The following ADAMTSL2 variants were observed in gnomAD, a reference collection of about 807,000 sequenced individuals.
ADAMTSL2 encodes the protein ADAMTS-like protein 2.
In ADAMTSL2, 55 loss-of-function variants were observed where a neutral mutation model predicts 117.0. The ratio of observed to expected loss-of-function variants is 0.47; its 90% confidence interval spans 0.38 to 0.59. ADAMTSL2 has a LOEUF of 0.59. ADAMTSL2 is among the 20% of genes least tolerant of loss of function. The probability of loss-of-function intolerance (pLI) is 0.00; values close to 1 mark genes in which losing one functional copy is unlikely to be tolerated. For synonymous variants in ADAMTSL2, 572 were observed against 566.4 expected (o/e 1.01, Z -0.14); for missense variants, 1,182 against 1,354.5 (o/e 0.87, Z 2.00).
intron 9 of ADAMTSL2, among the ~76,000 whole-genome samples, chr9:133,553,090 G>A (rs1483512111): frequency 7.2e-5 from 11 of 152,294 alleles, no homozygotes; most frequent in Admixed American, 2.6e-4. Flanking sequence ...GGAGGCCCGC[G>A]TGGCCGTGAA....
intron 9 of ADAMTSL2, among the ~76,000 whole-genome samples, chr9:133,552,160 G>A (rs923212096): frequency 2.6e-5 from 4 of 152,200 alleles, no homozygotes; most frequent in African/African-American, 9.7e-5. Flanking sequence ...CAGCAGATGA[G>A]TTGAACAGAT....
chr9:133,533,307 T>C (rs1029902459), upstream of ADAMTSL2, among the ~76,000 whole-genome samples: 8 of 152,228 alleles, frequency 5.3e-5, 1 homozygote, highest in Admixed American at 5.2e-4. Flanking sequence ...CAGGTGGCCC[T>C]GTGACTAGGA....
intron 9 of ADAMTSL2, among the ~76,000 whole-genome samples, chr9:133,548,219 CCCAGG>C (rs1432367272): frequency 2.0e-5 from 3 of 152,216 alleles, no homozygotes; most frequent in Non-Finnish European, 2.9e-5. Flanking sequence ...GGGCTTTGAA[CCCAGG>C]CCTGCCTGGT....
chr9:133,535,032 G>T, intron 1 of ADAMTSL2, 115 bp downstream of exon 1: 1 of 1,293,676 alleles, frequency 7.7e-7, no homozygotes, highest in Non-Finnish European at 9.8e-7. Context: ...GTTACATAAC[G>T]TGGGGAGGCT....
At chr9:133,540,113 T>C (rs1438187570) in intron 5 of ADAMTSL2, among the ~76,000 whole-genome samples, 4 of 152,208 alleles carry the variant, frequency 2.6e-5, no homozygotes, top group Non-Finnish European at 5.9e-5. Flanking sequence ...AGACCTGACC[T>C]CTGACGGCAG....
intron 12 of ADAMTSL2, among the ~76,000 whole-genome samples, chr9:133,564,310 GAGAA>G (rs1359089689): frequency 1.6e-5 from 1 of 61,078 alleles, no homozygotes; most frequent in Non-Finnish European, 3.3e-5. Context: ...GGGAGAGAGA[GAGAA>G]AGAGAGAGGG....
intron 12 of ADAMTSL2, among the ~76,000 whole-genome samples, chr9:133,566,034 G>A (rs1355268732): frequency 1.3e-5 from 2 of 152,260 alleles, no homozygotes; most frequent in African/African-American, 2.4e-5. Context: ...AGCAGAAGGT[G>A]GAGATGTGGT....
chr9:133,550,114 G>A (rs369162451), intron 9 of ADAMTSL2, among the ~76,000 whole-genome samples: 1 of 152,262 alleles, frequency 6.6e-6, no homozygotes, highest in Non-Finnish European at 1.5e-5. Flanking sequence ...CTGTGTGGGG[G>A]TGCCCTGAAG....
At chr9:133,568,572 C>A (rs1377889854) in intron 14 of ADAMTSL2, 31 bp from the exon 15 acceptor site, 5 of 1,549,700 alleles carry the variant, frequency 3.2e-6, no homozygotes, top group Admixed American at 2.0e-5. Context: ...CTGTGTCACA[C>A]CCCCCCTGCC....
At position 133,555,838 on chromosome 9, in the gene ADAMTSL2, C is replaced by G. The variant is rs62637565; in HGVS notation, c.1557C>G (p.Ser519Arg). Residue 519 changes from serine (S) to arginine (R), a missense_variant, in exon 11 of 19, where the codon AGC becomes AGG. Coordinates refer to ENST00000651351, the MANE Select transcript of ADAMTSL2 (RefSeq NM_014694.4). Reference sequence around the variant, plus strand: ...ACGGGTCCTACCTGGAGCTGAGCAGCGACAGGGTTGCCAACAGCTCCTCCG... The same window carrying G: ...ACGGGTCCTACCTGGAGCTGAGCAGGGACAGGGTTGCCAACAGCTCCTCCG... The part of the protein sequence containing the change: ...LLNGSYLELS[S>R]DRVANSSSEA... The G allele has an allele frequency of 1.9e-6, 3 of 1,613,586 alleles. No homozygotes were observed. Among genetic ancestry groups the G allele is most frequent in the Non-Finnish European group, 2.5e-6 (3 of 1,179,978 alleles).
At chr9:133,555,531 C>G (rs768750828) in intron 10 of ADAMTSL2, 27 bp from the exon 11 acceptor site, 3 of 1,612,874 alleles carry the variant, frequency 1.9e-6, no homozygotes, top group South Asian at 1.1e-5. Context: ...GATGTGCCCA[C>G]GGTTGAGCCA....
intron 4 of ADAMTSL2, among the ~76,000 whole-genome samples, chr9:133,539,090 G>C (rs1243274372): frequency 2.0e-5 from 3 of 152,206 alleles, no homozygotes; most frequent in South Asian, 2.1e-4. Context: ...TGTGTCTCAG[G>C]GGGTGTGTGC....
At chr9:133,548,820 G>C (rs995695832) in intron 9 of ADAMTSL2, among the ~76,000 whole-genome samples, 3 of 152,180 alleles carry the variant, frequency 2.0e-5, no homozygotes, top group Non-Finnish European at 2.9e-5. Flanking sequence ...GGGGTCCGTG[G>C]TCCACCCCCA....
rs1291481471 is a variant in ADAMTSL2 at position 133,555,105 on chromosome 9, C to G, written c.1276+412C>G. Among the ~76,000 whole-genome samples the G allele has an allele frequency of 3.3e-5, 5 of 152,234 alleles. No homozygotes were observed. In the East Asian group the frequency reaches 9.7e-4, roughly 30 times the overall value. On this transcript the variant is annotated intron_variant, in intron 10 of 18. Coordinates refer to ENST00000651351, the MANE Select transcript of ADAMTSL2 (RefSeq NM_014694.4). ...AAAGCTTCGGGGGCCCCAGGCGCCCCTTGGCTGTGACCGTGTCACTCCAGC... is the reference window on the plus strand; with the variant it reads ...AAAGCTTCGGGGGCCCCAGGCGCCCGTTGGCTGTGACCGTGTCACTCCAGC...
At chr9:133,564,633 A>AGAGAGAGG (rs1352690178) in intron 12 of ADAMTSL2, among the ~76,000 whole-genome samples, 3 of 53,580 alleles carry the variant, frequency 5.6e-5, no homozygotes, top group African/African-American at 2.3e-4. Context: ...AGGGAGAGAG[A>AGAGAGAGG]GAGAGAGGGA....
At chr9:133,559,175 T>G (rs1170059303) in intron 11 of ADAMTSL2, among the ~76,000 whole-genome samples, 7 of 152,214 alleles carry the variant, frequency 4.6e-5, no homozygotes, top group African/African-American at 7.2e-5. Flanking sequence ...CAGCACAGTT[T>G]AGTGTTTTCT....
chr9:133,537,897 G>A (rs561817344), intron 3 of ADAMTSL2, among the ~76,000 whole-genome samples: 3 of 152,342 alleles, frequency 2.0e-5, no homozygotes, highest in African/African-American at 7.2e-5. Context: ...GGGAGAAGCA[G>A]AGGACTGGCA....
chr9:133,535,769 C>T (rs967477365), intron 1 of ADAMTSL2, among the ~76,000 whole-genome samples: 4 of 152,142 alleles, frequency 2.6e-5, no homozygotes, highest in Non-Finnish European at 5.9e-5. Flanking sequence ...GGCAAGTGAC[C>T]CTCAGCACCT....
In ADAMTSL2 at chr9:133,539,877, C is replaced by T. The variant is rs766971158; in HGVS notation, c.412+4C>T. The T allele has an allele frequency of 7.7e-6, 12 of 1,550,732 alleles. No homozygotes were observed. The South Asian group carries it at 1.4e-4, about 18-fold the overall frequency. On this transcript the variant is annotated splice_donor_region_variant and intron_variant, in intron 5 of 18. Transcript: ENST00000651351. ...CAGTGGAAGCCTCTGTACCCGGGTA[C>T]CTGCCGCCCTGGGGACCCACCTTGC...
Sources: gnomAD v4.1 joint callset for allele counts (sites outside exome capture counted in the v4.1 genomes callset) on GRCh38, gnomAD v4.1.1 for gene constraint, MANE v1.5 for transcripts, NCBI Gene and HGNC (gene_info 2026-07-23, HGNC 2026-07-21) for gene names.